ARHGEF11: variants seen among roughly 807,000 people sequenced by gnomAD.
ARHGEF11 encodes Rho guanine exchange factor (GEF) 11.
In ARHGEF11, 55 loss-of-function variants were observed where a neutral mutation model predicts 193.7. The ratio of observed to expected loss-of-function variants is 0.28; its 90% CI spans 0.23 to 0.36. The LOEUF (loss-of-function observed/expected upper bound fraction) is 0.36. ARHGEF11 is among the 10% of genes least tolerant of loss of function. The probability of loss-of-function intolerance (pLI) is 1.00; values close to 1 mark genes in which losing one functional copy is unlikely to be tolerated. For missense variants in ARHGEF11, 1,723 were observed against 2,005.6 expected (o/e 0.86, Z 2.69); for synonymous variants, 693 against 768.0 (o/e 0.90, Z 1.62).
intron 7 of ARHGEF11, 39 bp downstream of exon 7, chr1:156,976,944 C>T (rs1194791695): frequency 1.9e-6 from 3 of 1,561,502 alleles, no homozygotes; most frequent in African/African-American, 1.4e-5. Context: ...TATTATTTCA[C>T]TCAGGCAATG....
intron 40 of ARHGEF11, among the ~76,000 whole-genome samples, chr1:156,936,480 G>GAAAAAA (rs35863393): frequency 2.9e-4 from 14 of 48,016 alleles, no homozygotes; most frequent in African/African-American, 1.0e-3. Context: ...CAAATAAATA[G>GAAAAAA]AAAAAAAAAA....
rs574749572 is a variant in ARHGEF11 at position 157,044,566 on chromosome 1, G to C, written c.-236C>G. 4 of 398,580 alleles carry C rather than the reference G, an allele frequency of 1.0e-5. No individual in the cohort carries two copies. The highest frequency in any genetic ancestry group is 1.3e-5 in the Non-Finnish European group (3 of 228,990). 24.7% of individuals were successfully genotyped at this position (398,580 alleles called of 1,614,324 possible). A position where few individuals can be genotyped will look rare whatever the true frequency, so the allele number is the denominator to read the frequency against. On this transcript the variant is annotated 5_prime_UTR_variant, in exon 1 of 41. Coordinates refer to ENST00000368194, the MANE Select transcript of ARHGEF11 (RefSeq NM_198236.3). ...TCCCCCGCTTTAAAAAAAAAGAAAAGAAAAGAAAAAAGAAAAAAAAAGGAA... is the reference window on the plus strand; with the variant it reads ...TCCCCCGCTTTAAAAAAAAAGAAAACAAAAGAAAAAAGAAAAAAAAAGGAA...
chr1:156,995,637 C>A (rs1666372900), intron 1 of ARHGEF11, among the ~76,000 whole-genome samples: 1 of 151,056 alleles, frequency 6.6e-6, no homozygotes, highest in Admixed American at 6.6e-5. Flanking sequence ...CTCACTGCAG[C>A]CTCGACTTCC....
chr1:156,947,274 G>A, intron 26 of ARHGEF11, 30 bp downstream of exon 26: 1 of 1,579,286 alleles, frequency 6.3e-7, no homozygotes, highest in Non-Finnish European at 8.6e-7. Flanking sequence ...GGCAGCAGAA[G>A]AGGAGTCTGG....
chr1:156,946,543 C>T (rs998705207), intron 28 of ARHGEF11, 119 bp downstream of exon 28: 45 of 1,402,814 alleles, frequency 3.2e-5, no homozygotes, highest in South Asian at 3.0e-4. Flanking sequence ...GAGCGTGTGT[C>T]GAAGGGTAGA....
intron 13 of ARHGEF11, among the ~76,000 whole-genome samples, chr1:156,962,502 C>A (rs1181686416): frequency 6.6e-6 from 1 of 152,148 alleles, no homozygotes; most frequent in Admixed American, 6.5e-5. Context: ...ACGGAAGACC[C>A]TTTAAGCCTT....
intron 1 of ARHGEF11, among the ~76,000 whole-genome samples, chr1:157,001,823 G>A (rs1667236008): frequency 6.6e-6 from 1 of 152,166 alleles, no homozygotes; most frequent in Non-Finnish European, 1.5e-5. Flanking sequence ...ACGGGTGTTA[G>A]GAAGACAAAA....
upstream of ARHGEF11, among the ~76,000 whole-genome samples, chr1:157,045,924 C>G (rs1673278942): frequency 6.6e-6 from 1 of 150,958 alleles, no homozygotes; most frequent in African/African-American, 2.4e-5. Flanking sequence ...CTGCCCGCCG[C>G]CCGCCGGCCT....
intron 1 of ARHGEF11, among the ~76,000 whole-genome samples, chr1:156,991,532 C>T (rs2102549008): frequency 6.6e-6 from 1 of 152,106 alleles, no homozygotes; most frequent in South Asian, 2.1e-4. Flanking sequence ...GTTGCCCAGG[C>T]TGGTCTAGAA....
chr1:156,966,872 A>G (rs1557873917), intron 11 of ARHGEF11, among the ~76,000 whole-genome samples: 1 of 152,212 alleles, frequency 6.6e-6, no homozygotes, highest in Non-Finnish European at 1.5e-5. Flanking sequence ...CTACTTTTTG[A>G]GCAAGTTACA....
rs1437771070 is a variant in ARHGEF11, at chr1:157,045,379, T to C, written c.-1049A>G. ...GAAACGGAGATTTCGCTTCCTCCCGTTCCCCCTTCTCTCTCCCTCTCTCTC... is the reference window on the plus strand; with the variant it reads ...GAAACGGAGATTTCGCTTCCTCCCGCTCCCCCTTCTCTCTCCCTCTCTCTC... On this transcript the variant is annotated 5_prime_UTR_variant, in exon 1 of 41. Transcript: ENST00000368194. The C allele has an allele frequency of 6.6e-6, 1 of 152,282 alleles. No homozygotes were observed. Among genetic ancestry groups the C allele is most frequent in the Non-Finnish European group, 1.5e-5 (1 of 68,072 alleles). The allele number at this position is 152,282 out of a possible 1,614,324, so 9.4% of individuals were successfully genotyped here.
In ARHGEF11 at chr1:156,946,116, A is replaced by T; in HGVS notation, c.2741T>A (p.Leu914His). Residue 914 changes from leucine (L) to histidine (H), a missense_variant, in exon 29 of 41, where the codon CTC (leucine) becomes CAC (histidine). Around this residue, in one of 5 missense-constraint regions of ARHGEF11, gnomAD observed 491 missense variants for 654.5 expected, o/e 0.75. Transcript: ENST00000368194. ...GAGCCGCTGCATCTCAGAGATGATGAGGTCTCTCAGCTGCAGCCGCCGACA... is the reference window on the plus strand; with the variant it reads ...GAGCCGCTGCATCTCAGAGATGATGTGGTCTCTCAGCTGCAGCCGCCGACA... ...PQCRRLQLRDLIISEMQRLTK... is the reference protein window; with the variant it reads ...PQCRRLQLRDHIISEMQRLTK... The T allele has an allele frequency of 6.2e-7, 1 of 1,613,582 alleles. No individual in the cohort carries two copies. Among genetic ancestry groups the T allele is most frequent in the Non-Finnish European group, 8.5e-7 (1 of 1,179,948 alleles).
chr1:156,977,449 G>T (rs1420274890), intron 6 of ARHGEF11, among the ~76,000 whole-genome samples: 2 of 152,102 alleles, frequency 1.3e-5, no homozygotes, highest in Non-Finnish European at 2.9e-5. Flanking sequence ...GTCTCACTCT[G>T]TCACCCAGGC....
chr1:157,008,397 T>TGCAC (rs1203192825), intron 1 of ARHGEF11, among the ~76,000 whole-genome samples: 2 of 50,794 alleles, frequency 3.9e-5, no homozygotes, highest in Non-Finnish European at 8.0e-5. Context: ...TCAGGAAGCT[T>TGCAC]GCACGCACGC....
chr1:157,007,185 A>G (rs1667929488), intron 1 of ARHGEF11, among the ~76,000 whole-genome samples: 1 of 152,190 alleles, frequency 6.6e-6, no homozygotes, highest in Non-Finnish European at 1.5e-5. Flanking sequence ...CAGACATGAG[A>G]TGAAAAAACA....
chr1:156,942,707 C>T lies in ARHGEF11; in HGVS notation c.3309G>A (p.Thr1103=), dbSNP rs373003847. The change falls in exon 33 of 41, where the codon ACG becomes ACA. Residue 1103 remains threonine, a synonymous_variant. Transcript: ENST00000368194. ...ATTCTCACGTGTTCTTGTCTGATGA[C>T]GTCAATGCAACCAGCTCATAGATCT... ...PPQIYELVAL[T]SSDKNTWMEL... 27 of 1,613,940 alleles carry T rather than the reference C, an allele frequency of 1.7e-5. No homozygotes were observed. The highest frequency in any genetic ancestry group is 6.7e-5 in the Admixed American group (4 of 60,010).
intron 28 of ARHGEF11, 137 bp downstream of exon 28, chr1:156,946,525 C>T: frequency 2.3e-6 from 3 of 1,283,680 alleles, no homozygotes; most frequent in African/African-American, 1.5e-5. Context: ...TGAGTCAGTG[C>T]TTTTGAGGAG....
At chr1:156,992,189 C>A (rs1412722218) in intron 1 of ARHGEF11, among the ~76,000 whole-genome samples, 1 of 152,114 alleles carries the variant, frequency 6.6e-6, no homozygotes, top group Non-Finnish European at 1.5e-5. Flanking sequence ...TAAATAAATA[C>A]CTATACATAT....
intron 1 of ARHGEF11, among the ~76,000 whole-genome samples, chr1:157,039,964 C>T (rs1672530528): frequency 2.0e-5 from 3 of 152,192 alleles, no homozygotes; most frequent in Non-Finnish European, 4.4e-5. Context: ...AGGAGATTAG[C>T]TATGTGCTGT....
Sources: gnomAD v4.1 joint callset for allele counts (sites outside exome capture counted in the v4.1 genomes callset) on GRCh38, gnomAD v4.1.1 for gene constraint, gnomAD v4.1.1 regional missense constraint, MANE v1.5 for transcripts, NCBI Gene and HGNC (gene_info 2026-07-23, HGNC 2026-07-21) for gene names.